IMMP2L: variants seen among roughly 807,000 people sequenced by gnomAD.
The protein encoded by IMMP2L is inner mitochondrial membrane peptidase subunit 2, also known as mitochondrial inner membrane protease subunit 2.
Under a neutral mutation model 19.3 loss-of-function variants are expected in IMMP2L, and 18 were observed. The observed-to-expected ratio is 0.93, with a 90% CI of 0.64 to 1.38. The LOEUF (loss-of-function observed/expected upper bound fraction) is 1.38. Among genes scored for constraint, IMMP2L ranks in the 40% most tolerant of loss-of-function variants. The pLI, the probability that IMMP2L is intolerant of heterozygous loss-of-function variation, is 0.00. For synonymous variants in IMMP2L, 76 were observed against 73.0 expected, an observed-to-expected ratio of 1.04 and a Z score of -0.21; for missense variants, 233 against 218.2, an observed-to-expected ratio of 1.07 and a Z score of -0.43.
intron 5 of IMMP2L, among the ~76,000 whole-genome samples, chr7:110,687,846 G>A (rs1393264058): frequency 2.0e-5 from 3 of 151,820 alleles, no homozygotes; most frequent in Non-Finnish European, 4.4e-5. Flanking sequence ...ATCTCAAGAG[G>A]TGGAGTCTAT....
chr7:110,786,014 T>C (rs1232461766), intron 5 of IMMP2L, among the ~76,000 whole-genome samples: 1 of 151,984 alleles, frequency 6.6e-6, no homozygotes, highest in Non-Finnish European at 1.5e-5. Context: ...ACAGACATAC[T>C]GTAAGTCCTT....
intron 3 of IMMP2L, among the ~76,000 whole-genome samples, chr7:111,282,676 C>A (rs1820028079): frequency 6.6e-6 from 1 of 152,008 alleles, no homozygotes; most frequent in Non-Finnish European, 1.5e-5. Context: ...CTCAACCTCC[C>A]AGGCTCAGGC....
intron 5 of IMMP2L, among the ~76,000 whole-genome samples, chr7:110,811,741 T>A (rs1453068344): frequency 6.6e-6 from 1 of 152,016 alleles, no homozygotes; most frequent in Non-Finnish European, 1.5e-5. Context: ...TGTGCTGTAT[T>A]TATTGCCTGG....
chr7:111,322,606 A>G (rs549582007), intron 3 of IMMP2L, among the ~76,000 whole-genome samples: 1 of 151,816 alleles, frequency 6.6e-6, no homozygotes, highest in African/African-American at 2.4e-5. Flanking sequence ...ATTTTAAAAA[A>G]AATTAGAAAT....
intron 3 of IMMP2L, among the ~76,000 whole-genome samples, chr7:111,297,003 A>T (rs187054008): frequency 2.6e-4 from 40 of 152,144 alleles, no homozygotes; most frequent in African/African-American, 8.7e-4. Context: ...GGAGATGAAG[A>T]ACAGATTAGT....
chr7:111,324,725 A>G (rs747058930), intron 3 of IMMP2L, among the ~76,000 whole-genome samples: 3 of 151,960 alleles, frequency 2.0e-5, no homozygotes, highest in Non-Finnish European at 4.4e-5. Flanking sequence ...TAAATATTCA[A>G]TATCAACCAA....
chr7:110,767,633 C>T (rs1798753756), intron 5 of IMMP2L, among the ~76,000 whole-genome samples: 1 of 152,170 alleles, frequency 6.6e-6, no homozygotes, highest in South Asian at 2.1e-4. Context: ...TTAATCATCA[C>T]ATACCATATA....
At chr7:110,884,601 C>T (rs562774012) in intron 5 of IMMP2L, among the ~76,000 whole-genome samples, 5 of 152,068 alleles carry the variant, frequency 3.3e-5, no homozygotes, top group Middle Eastern at 6.8e-3. Flanking sequence ...AGACATCACA[C>T]GCAATGGAAA....
At chr7:111,465,000 G>C (rs1840489682) in intron 3 of IMMP2L, among the ~76,000 whole-genome samples, 2 of 152,072 alleles carry the variant, frequency 1.3e-5, no homozygotes, top group African/African-American at 4.8e-5. Flanking sequence ...CACCGTGTTA[G>C]CCAGGATGGT....
chr7:110,782,554 G>C (rs1283816265), intron 5 of IMMP2L, among the ~76,000 whole-genome samples: 1 of 151,736 alleles, frequency 6.6e-6, no homozygotes, highest in Non-Finnish European at 1.5e-5. Context: ...TTGATGGTCT[G>C]TCAAGCAGTT....
intron 3 of IMMP2L, among the ~76,000 whole-genome samples, chr7:111,276,333 G>A (rs899345861): frequency 2.6e-5 from 4 of 152,022 alleles, no homozygotes; most frequent in African/African-American, 9.7e-5. Context: ...TTGATGTGCT[G>A]TTGTGTTCTA....
chr7:111,558,828 AT>A (rs1405475877), intron 1 of IMMP2L, among the ~76,000 whole-genome samples: 1 of 152,208 alleles, frequency 6.6e-6, no homozygotes, highest in Non-Finnish European at 1.5e-5. Context: ...AATGCTATTT[AT>A]TCCTATAAGT....
At chr7:111,288,235 T>G (rs149178008) in intron 3 of IMMP2L, among the ~76,000 whole-genome samples, 1 of 152,164 alleles carries the variant, frequency 6.6e-6, no homozygotes, top group Non-Finnish European at 1.5e-5. Flanking sequence ...AGATATTCTA[T>G]GAAAGAAATT....
chr7:111,223,850 T>A (rs895884962), intron 3 of IMMP2L, among the ~76,000 whole-genome samples: 1 of 152,154 alleles, frequency 6.6e-6, no homozygotes, highest in East Asian at 1.9e-4. Context: ...ATAGCTCCTA[T>A]GTGTAGCTTC....
At chr7:110,668,928 T>C (rs1227126403) in intron 5 of IMMP2L, among the ~76,000 whole-genome samples, 3 of 151,948 alleles carry the variant, frequency 2.0e-5, no homozygotes, top group Non-Finnish European at 2.9e-5. Context: ...TCCAGAAATA[T>C]ATGAACTTTG....
chr7:111,008,709 T>C (rs2129562881), intron 3 of IMMP2L, among the ~76,000 whole-genome samples: 1 of 152,196 alleles, frequency 6.6e-6, no homozygotes, highest in African/African-American at 2.4e-5. Context: ...TTCACTGCTG[T>C]ATCCTCAGTG....
At chr7:111,409,895 CCCTATTCCAA>C (rs1405101630) in intron 3 of IMMP2L, among the ~76,000 whole-genome samples, 3 of 151,738 alleles carry the variant, frequency 2.0e-5, no homozygotes, top group South Asian at 2.1e-4. Context: ...CTAAGACTGC[CCCTATTCCAA>C]CCTAGATGCA....
Position 111,035,128 on chromosome 7 carries a change from AC to A in IMMP2L, c.240-71564del, listed in dbSNP as rs377122706. On this transcript the variant is annotated intron_variant, in intron 3 of 5. Transcript: ENST00000405709. ...GGATCAAATAAAGCCCTGCTTCAAA[AC>A]TGTAACTGCTTCTCCAAGCTTACAA... 3.4e-3 allele frequency among the ~76,000 whole-genome samples: 515 copies of A among 152,238 alleles called. 3 individuals are homozygous for A. The highest frequency in any genetic ancestry group is 0.012 in the African/African-American group (489 of 41,566).
chr7:111,267,179 G>A (rs189145250), intron 3 of IMMP2L, among the ~76,000 whole-genome samples: 259 of 151,996 alleles, frequency 1.7e-3, no homozygotes, highest in African/African-American at 5.1e-3. Context: ...ACCAAGCTGT[G>A]GGGTTGATAA....
Sources: gnomAD v4.1 joint callset for allele counts (sites outside exome capture counted in the v4.1 genomes callset) on GRCh38, gnomAD v4.1.1 for gene constraint, MANE v1.5 for transcripts, NCBI Gene and HGNC (gene_info 2026-07-23, HGNC 2026-07-21) for gene names.